The following PCDH7 variants were observed in gnomAD, a reference collection of about 807,000 sequenced individuals.
The protein encoded by PCDH7 is protocadherin 7.
PCDH7 carries 17 observed loss-of-function variants against 58.9 expected under a neutral mutation model. That is an observed-to-expected ratio of 0.29 (90% confidence interval 0.20 to 0.43). PCDH7 has a LOEUF of 0.43. Ranked by LOEUF, PCDH7 falls within the 20% of genes least tolerant of loss-of-function variation. PCDH7 has a pLI of 1.00. For synonymous variants in PCDH7, 664 were observed against 616.4 expected (o/e 1.08, Z -1.14); for missense variants, 1,274 against 1,441.0 (o/e 0.88, Z 1.88).
chr4:31,083,435 G>T (rs1397279803), intron 3 of PCDH7, among the ~76,000 whole-genome samples: 2 of 152,020 alleles, frequency 1.3e-5, no homozygotes, highest in Non-Finnish European at 2.9e-5. Flanking sequence ...TGCTCTTTCT[G>T]TCTTTATCAC....
intron 3 of PCDH7, among the ~76,000 whole-genome samples, chr4:30,951,836 C>T (rs1747399902): frequency 6.6e-6 from 1 of 152,168 alleles, no homozygotes; most frequent in Admixed American, 6.6e-5. Context: ...CTCCTCATTT[C>T]TCCCCAGGAA....
intron 3 of PCDH7, among the ~76,000 whole-genome samples, chr4:31,074,932 C>T (rs1578725440): frequency 6.6e-6 from 1 of 151,526 alleles, no homozygotes; most frequent in Admixed American, 6.6e-5. Flanking sequence ...AGTGTCCTTT[C>T]TTCTTCTCCT....
At chr4:30,764,795 A>G (rs1054837366) in intron 1 of PCDH7, among the ~76,000 whole-genome samples, 5 of 152,092 alleles carry the variant, frequency 3.3e-5, no homozygotes, top group Non-Finnish European at 4.4e-5. Flanking sequence ...ATCTCAGCTC[A>G]CTACAACCTC....
At chr4:31,103,271 T>TTTTATTTA (rs1412994131) in intron 3 of PCDH7, among the ~76,000 whole-genome samples, 1 of 152,036 alleles carries the variant, frequency 6.6e-6, no homozygotes, top group Non-Finnish European at 1.5e-5. Flanking sequence ...TGTAGGGATA[T>TTTTATTTA]TTTATTTATT....
At chr4:30,871,001 T>C (rs1244028691) in intron 1 of PCDH7, among the ~76,000 whole-genome samples, 2 of 152,108 alleles carry the variant, frequency 1.3e-5, no homozygotes, top group Non-Finnish European at 1.5e-5. Flanking sequence ...ATTTGGCTCT[T>C]CTGTGAGGTT....
intron 3 of PCDH7, among the ~76,000 whole-genome samples, chr4:31,102,320 T>C (rs1714996372): frequency 2.0e-5 from 3 of 152,126 alleles, no homozygotes; most frequent in Admixed American, 2.0e-4. Flanking sequence ...TGCTAGCCAC[T>C]CTGGGGCTGG....
chr4:30,722,580 G>A lies in PCDH7; in HGVS notation c.1158G>A (p.Met386Ile). 1 of 1,612,950 alleles carries A rather than the reference G, an allele frequency of 6.2e-7. No individual in the cohort carries two copies. Residue 386 changes from methionine to isoleucine, a missense_variant, in exon 1 of 2, where the codon ATG becomes ATA. Transcript: ENST00000361762. The surrounding 1 kb of genome is among the most constrained non-coding windows in gnomAD (Gnocchi z 7.6). ...TGAACCAGCTGCGCTTCACGGTCATGGCCCGCGACCGCGGGCAGCCCCCCA... is the reference window on the plus strand; with the variant it reads ...TGAACCAGCTGCGCTTCACGGTCATAGCCCGCGACCGCGGGCAGCCCCCCA...
chr4:30,849,991 G>T (rs1484886892), intron 1 of PCDH7, among the ~76,000 whole-genome samples: 2 of 151,960 alleles, frequency 1.3e-5, no homozygotes, highest in Non-Finnish European at 2.9e-5. Flanking sequence ...TCTTTATTCT[G>T]CAAAAGAACC....
chr4:30,783,661 G>A (rs1180380853), intron 1 of PCDH7, among the ~76,000 whole-genome samples: 1 of 152,124 alleles, frequency 6.6e-6, no homozygotes, highest in Non-Finnish European at 1.5e-5. Context: ...CTATGTGTGG[G>A]TGTGCAGTGT....
At chr4:30,931,141 T>C (rs990344752) in intron 2 of PCDH7, among the ~76,000 whole-genome samples, 2 of 152,158 alleles carry the variant, frequency 1.3e-5, no homozygotes, top group African/African-American at 4.8e-5. Context: ...GGGAGGTATT[T>C]TGTGTTTTTA....
chr4:30,889,567 T>A (rs986542721), intron 1 of PCDH7, among the ~76,000 whole-genome samples: 2 of 152,138 alleles, frequency 1.3e-5, no homozygotes, highest in African/African-American at 4.8e-5. Context: ...TGAGCTACCA[T>A]AACAAAATAC....
intron 1 of PCDH7, among the ~76,000 whole-genome samples, chr4:30,911,352 C>T (rs1311824770): frequency 2.4e-5 from 3 of 124,046 alleles, no homozygotes; most frequent in Non-Finnish European, 4.9e-5. Flanking sequence ...ACTACTAGAA[C>T]ATAGCCATGT....
chr4:30,861,349 A>G (rs992935622), intron 1 of PCDH7, among the ~76,000 whole-genome samples: 1 of 152,102 alleles, frequency 6.6e-6, no homozygotes, highest in African/African-American at 2.4e-5. Context: ...TGATATTTGT[A>G]TTTTCTTAAC....
downstream of PCDH7, chr4:31,146,219 T>TA (rs1720661684): frequency 6.6e-6 from 1 of 151,848 alleles, no homozygotes. Flanking sequence ...GAAAATAGAA[T>TA]AAAACACACA....
intron 1 of PCDH7, among the ~76,000 whole-genome samples, chr4:30,912,815 C>T (rs1421986823): frequency 6.6e-6 from 1 of 152,102 alleles, no homozygotes; most frequent in Non-Finnish European, 1.5e-5. Context: ...AAAGCATCTG[C>T]ACTCTTAGCC....
At chr4:31,121,762 AAATAACCT>A (rs1269069196) in intron 3 of PCDH7, among the ~76,000 whole-genome samples, 1 of 152,160 alleles carries the variant, frequency 6.6e-6, no homozygotes, top group Non-Finnish European at 1.5e-5. Flanking sequence ...ACTTAGTTTA[AAATAACCT>A]AATTTAGCAT....
chr4:31,087,086 G>A (rs1712536187), intron 3 of PCDH7, among the ~76,000 whole-genome samples: 1 of 152,166 alleles, frequency 6.6e-6, no homozygotes, highest in Admixed American at 6.5e-5. Flanking sequence ...ATTGTGGGGA[G>A]CAAGTTCTCT....
At chr4:31,084,965 G>T (rs1242068078) in intron 3 of PCDH7, among the ~76,000 whole-genome samples, 1 of 152,060 alleles carries the variant, frequency 6.6e-6, no homozygotes, top group African/African-American at 2.4e-5. Flanking sequence ...CCGCCCAAGG[G>T]GTTCACCTTG....
At chr4:30,976,865 A>G (rs1455776972) in intron 3 of PCDH7, among the ~76,000 whole-genome samples, 1 of 152,182 alleles carries the variant, frequency 6.6e-6, no homozygotes, top group Non-Finnish European at 1.5e-5. Context: ...TTTTCAGGTT[A>G]ATAAGTAAAA....
Sources: allele counts gnomAD v4.1 joint callset (sites outside exome capture counted in the v4.1 genomes callset), GRCh38; gene constraint gnomAD v4.1.1; non-coding constraint Gnocchi (gnomAD v3.1); transcripts MANE v1.5; gene names NCBI Gene and HGNC (gene_info 2026-07-23, HGNC 2026-07-21).